The following CNTNAP2 variants were observed in gnomAD, a reference collection of about 807,000 sequenced individuals.
The protein encoded by CNTNAP2 is contactin associated protein 2, also known as contactin-associated protein-like 2.
A neutral mutation model predicts 155.2 loss-of-function variants in CNTNAP2; 98 were observed. That is an observed-to-expected ratio of 0.63 (90% confidence interval 0.54 to 0.75). The LOEUF (loss-of-function observed/expected upper bound fraction) is 0.75, where lower values mean the gene tolerates loss of function less well. CNTNAP2 is among the 30% of genes least tolerant of loss of function. The pLI is 0.00. For synonymous variants in CNTNAP2, 651 were observed against 631.2 expected (o/e 1.03, Z -0.47); for missense variants, 1,727 against 1,688.1 (o/e 1.02, Z -0.40).
chr7:146,671,136 T>C (rs544683805), intron 1 of CNTNAP2, among the ~76,000 whole-genome samples: 8 of 152,272 alleles, frequency 5.3e-5, no homozygotes, highest in Admixed American at 1.3e-4. Flanking sequence ...AAGAGACTTT[T>C]CTTCTTAAAC....
At chr7:147,565,876 T>C (rs1280654525) in intron 12 of CNTNAP2, among the ~76,000 whole-genome samples, 1 of 152,030 alleles carries the variant, frequency 6.6e-6, no homozygotes, top group East Asian at 1.9e-4. Flanking sequence ...AAAAGCCTGA[T>C]TGGGTTAGAG....
chr7:148,066,656 C>T (rs62471699), intron 15 of CNTNAP2, among the ~76,000 whole-genome samples: 1 of 151,976 alleles, frequency 6.6e-6, no homozygotes, highest in African/African-American at 2.4e-5. Flanking sequence ...CACCACCACA[C>T]CCAGCTAATT....
chr7:147,867,140 C>A (rs1482404823), intron 13 of CNTNAP2, among the ~76,000 whole-genome samples: 1 of 152,080 alleles, frequency 6.6e-6, no homozygotes, highest in Non-Finnish European at 1.5e-5. Context: ...GTAGGGCAGG[C>A]CTGGTGGTGA....
intron 1 of CNTNAP2, among the ~76,000 whole-genome samples, chr7:146,393,162 G>T (rs531806885): frequency 6.6e-6 from 1 of 152,212 alleles, no homozygotes; most frequent in African/African-American, 2.4e-5. Flanking sequence ...AAATACTTAG[G>T]CTAACAGCAT....
chr7:148,228,256 AC>A (rs1411536657), intron 19 of CNTNAP2, among the ~76,000 whole-genome samples: 1 of 152,324 alleles, frequency 6.6e-6, no homozygotes, highest in East Asian at 1.9e-4. Context: ...AAAACTCATA[AC>A]TAAGATATAA....
intron 21 of CNTNAP2, among the ~76,000 whole-genome samples, chr7:148,288,972 G>C (rs556351868): frequency 2.8e-3 from 365 of 128,500 alleles, no homozygotes; most frequent in Non-Finnish European, 4.9e-3. Context: ...AAAAAAAAGA[G>C]AGAAAAACCC....
chr7:146,736,012 G>T (rs1196979922), intron 1 of CNTNAP2, among the ~76,000 whole-genome samples: 2 of 152,002 alleles, frequency 1.3e-5, no homozygotes, highest in African/African-American at 2.4e-5. Flanking sequence ...ATATCACTTT[G>T]TACACCCTAA....
chr7:147,682,262 G>A (rs1014809634), intron 13 of CNTNAP2, among the ~76,000 whole-genome samples: 3 of 151,808 alleles, frequency 2.0e-5, no homozygotes, highest in Non-Finnish European at 4.4e-5. Context: ...ATGCATTTAA[G>A]ATTAATAAAC....
intron 13 of CNTNAP2, among the ~76,000 whole-genome samples, chr7:147,642,959 G>A (rs1439735328): frequency 2.0e-5 from 3 of 152,130 alleles, no homozygotes; most frequent in Admixed American, 1.3e-4. Flanking sequence ...CAACCTTGGG[G>A]CAGTGGTTTA....
chr7:146,430,590 A>G (rs1796160324), intron 1 of CNTNAP2, among the ~76,000 whole-genome samples: 1 of 152,046 alleles, frequency 6.6e-6, no homozygotes, highest in South Asian at 2.1e-4. Flanking sequence ...TCTCAGAACA[A>G]TTAATCAGCA....
chr7:147,214,279 A>C (rs1439540568), intron 8 of CNTNAP2, among the ~76,000 whole-genome samples: 2 of 152,188 alleles, frequency 1.3e-5, no homozygotes, highest in Admixed American at 1.3e-4. Flanking sequence ...CCATACGGTG[A>C]GACAGCAAAG....
At chr7:147,075,583 CCATAA>C (rs1191197656) in intron 4 of CNTNAP2, among the ~76,000 whole-genome samples, 1 of 151,996 alleles carries the variant, frequency 6.6e-6, no homozygotes, top group African/African-American at 2.4e-5. Context: ...GTATGAAATA[CCATAA>C]CATTTTTAAT....
At chr7:147,997,128 T>C (rs1330803023) in intron 15 of CNTNAP2, among the ~76,000 whole-genome samples, 1 of 152,234 alleles carries the variant, frequency 6.6e-6, no homozygotes, top group Admixed American at 6.5e-5. Flanking sequence ...TCCAGGACTG[T>C]AAGAAATAAA....
chr7:146,974,970 T>TA (rs201271063), intron 3 of CNTNAP2, among the ~76,000 whole-genome samples: 1,626 of 152,200 alleles, frequency 0.011, 27 homozygotes, highest in African/African-American at 0.038. Context: ...AGACTCTATC[T>TA]AAAAAAACAA....
At chr7:147,675,206 G>A (rs1795849384) in intron 13 of CNTNAP2, among the ~76,000 whole-genome samples, 1 of 151,900 alleles carries the variant, frequency 6.6e-6, no homozygotes, top group Non-Finnish European at 1.5e-5. Flanking sequence ...TCTTCACAAG[G>A]CCTTCCATTC....
intron 4 of CNTNAP2, among the ~76,000 whole-genome samples, chr7:147,099,186 C>T (rs535197815): frequency 2.0e-5 from 3 of 152,180 alleles, no homozygotes; most frequent in Admixed American, 2.0e-4. Context: ...TTGTCTTGTA[C>T]CTGATTCTGG....
chr7:146,921,134 C>T (rs1455319274), intron 3 of CNTNAP2, among the ~76,000 whole-genome samples: 3 of 151,984 alleles, frequency 2.0e-5, no homozygotes, highest in Admixed American at 6.6e-5. Flanking sequence ...CATGCAGCAG[C>T]AGAAGAGGTG....
At chr7:147,051,720 G>A (rs529842381) in intron 4 of CNTNAP2, among the ~76,000 whole-genome samples, 6 of 152,050 alleles carry the variant, frequency 3.9e-5, no homozygotes, top group Admixed American at 3.3e-4. Flanking sequence ...GTTGCTTAGA[G>A]GATCAATATA....
chr7:146,845,372 T>A (rs1224859968), intron 3 of CNTNAP2, among the ~76,000 whole-genome samples: 1 of 152,220 alleles, frequency 6.6e-6, no homozygotes, highest in Non-Finnish European at 1.5e-5. Context: ...TTTGTTTGTT[T>A]TATAAACTTG....
Sources: allele counts gnomAD v4.1 joint callset (sites outside exome capture counted in the v4.1 genomes callset), GRCh38; gene constraint gnomAD v4.1.1; transcripts MANE v1.5; gene names NCBI Gene and HGNC (gene_info 2026-07-23, HGNC 2026-07-21).